Variants in TBC1D2B observed in about 807,000 individuals in gnomAD.
TBC1D2B encodes TBC1 domain family, member 2B.
In TBC1D2B, 64 loss-of-function variants were observed where a neutral mutation model predicts 100.8. The ratio of observed to expected loss-of-function variants is 0.64; its 90% confidence interval spans 0.52 to 0.78. TBC1D2B has a LOEUF of 0.78. Ranked by LOEUF, TBC1D2B falls within the 30% of genes least tolerant of loss-of-function variation. The probability of loss-of-function intolerance (pLI) is 0.00; values close to 1 mark genes in which losing one functional copy is unlikely to be tolerated. For missense variants in TBC1D2B, 1,052 were observed against 1,218.4 expected, an observed-to-expected ratio of 0.86 and a Z score of 2.03; for synonymous variants, 480 against 479.7, an observed-to-expected ratio of 1.00 and a Z score of -0.01.
Position 78,045,029 on chromosome 15 carries a change from G to C in TBC1D2B, c.554C>G (p.Ala185Gly), listed in dbSNP as rs1365062029. ...YPHPNASAEKARNVLAVETVP... is the reference protein window; with the variant it reads ...YPHPNASAEKGRNVLAVETVP... ...AGTCTCCACAGCTAGGACATTTCTGGCTTTTTCTGCAGAAGCATTTGGGTG... is the reference window on the plus strand; with the variant it reads ...AGTCTCCACAGCTAGGACATTTCTGCCTTTTTCTGCAGAAGCATTTGGGTG... The change falls in exon 3 of 13, where the codon GCC becomes GGC. Residue 185 changes from alanine (A) to glycine (G), a missense_variant. By Grantham distance (60) the Ala-to-Gly change is moderately conservative (BLOSUM62 0). Around this residue, in one of 4 missense-constraint regions of TBC1D2B, gnomAD observed 627 missense variants for 646.1 expected, o/e 0.97. Transcript: ENST00000300584. 1 of 1,612,000 alleles carries C rather than the reference G, an allele frequency of 6.2e-7. No individual in the cohort carries two copies. The highest frequency in any genetic ancestry group is 8.5e-7 in the Non-Finnish European group (1 of 1,178,866).
chr15:78,017,177 T>G, intron 7 of TBC1D2B: 1 of 158,496 alleles, frequency 6.3e-6, no homozygotes, highest in Non-Finnish European at 1.4e-5. Flanking sequence ...AAATATACCC[T>G]AGAAAACATG....
intron 3 of TBC1D2B, among the ~76,000 whole-genome samples, chr15:78,034,261 C>T (rs748990809): frequency 6.6e-6 from 1 of 152,170 alleles, no homozygotes; most frequent in Non-Finnish European, 1.5e-5. Flanking sequence ...AAAATAGCTG[C>T]TCAAAAAGAA....
At chr15:78,000,068 G>A (rs2141611388) in intron 12 of TBC1D2B, among the ~76,000 whole-genome samples, 1 of 152,354 alleles carries the variant, frequency 6.6e-6, no homozygotes, top group South Asian at 2.1e-4. Context: ...AAAACACTGA[G>A]GCTCTAGCCC....
At chr15:78,009,385 C>G (rs915561051) in intron 9 of TBC1D2B, among the ~76,000 whole-genome samples, 10 of 151,884 alleles carry the variant, frequency 6.6e-5, no homozygotes, top group African/African-American at 2.2e-4. Flanking sequence ...AACAAAAAAC[C>G]AAAAATCAGC....
At chr15:78,026,152 T>G (rs1466825400) in intron 4 of TBC1D2B, among the ~76,000 whole-genome samples, 1 of 67,414 alleles carries the variant, frequency 1.5e-5, no homozygotes, top group Non-Finnish European at 4.2e-5. Flanking sequence ...GTTTTTGTTG[T>G]TTTTTTTTTT....
At chr15:78,008,024 T>G (rs1244284298) in intron 10 of TBC1D2B, among the ~76,000 whole-genome samples, 1 of 152,136 alleles carries the variant, frequency 6.6e-6, no homozygotes, top group Non-Finnish European at 1.5e-5. Context: ...GGCACAGACC[T>G]GGAGAAGAGA....
At position 77,998,143 on chromosome 15, in the gene TBC1D2B, C is replaced by G. The variant is rs760388376; in HGVS notation, c.*17G>C. Reference sequence around the variant, plus strand: ...ACTTTGGTTGTGAAGGAAGGAAGAGCAGCATCCCGAGCCCACTCAGGTATC... The same window carrying G: ...ACTTTGGTTGTGAAGGAAGGAAGAGGAGCATCCCGAGCCCACTCAGGTATC... On this transcript the variant is annotated 3_prime_UTR_variant, in exon 13 of 13. Coordinates refer to ENST00000300584, the MANE Select transcript of TBC1D2B (RefSeq NM_144572.2). 129 of 1,494,034 alleles carry G rather than the reference C, an allele frequency of 8.6e-5. No individual in the cohort carries two copies. The African/African-American group carries it at 1.6e-3, about 19-fold the overall frequency. 92.5% of individuals were successfully genotyped at this position (1,494,034 alleles called of 1,614,324 possible).
At chr15:78,027,225 C>T (rs2141705032) in intron 4 of TBC1D2B, among the ~76,000 whole-genome samples, 1 of 152,128 alleles carries the variant, frequency 6.6e-6, no homozygotes, top group East Asian at 1.9e-4. Context: ...ACAGTGGTTC[C>T]CTGGGGCGGG....
intron 12 of TBC1D2B, chr15:77,999,498 A>G (rs1017172551): frequency 1.1e-5 from 3 of 276,066 alleles, no homozygotes; most frequent in Admixed American, 4.2e-5. Context: ...ACCAGAGAAC[A>G]GAGAACGCCC....
intron 1 of TBC1D2B, among the ~76,000 whole-genome samples, chr15:78,071,534 G>A (rs991247682): frequency 7.9e-5 from 12 of 152,162 alleles, no homozygotes; most frequent in African/African-American, 2.7e-4. Context: ...TATGAGACCC[G>A]AAAATATGGA....
chr15:78,077,440 C>G lies in TBC1D2B; in HGVS notation c.213G>C (p.Lys71Asn), dbSNP rs2073848478. ...DARRCYLYYF[K>N]SPQDALPLGH... ...CGAGGGGCAGCGCGTCCTGCGGACT[C>G]TTGAAATAGTAAAGGTAGCAGCGGC... is the stretch of plus-strand genomic sequence containing the variant. Residue 71 changes from lysine (K) to asparagine (N), a missense_variant, in exon 1 of 13, where the codon AAG becomes AAC. Transcript: ENST00000300584. 1.3e-5 allele frequency: 20 copies of G among 1,544,168 alleles called. No homozygotes were observed. The highest frequency in any genetic ancestry group is 2.5e-5 in the East Asian group (1 of 40,122).
intron 12 of TBC1D2B, among the ~76,000 whole-genome samples, chr15:77,999,592 G>C (rs547950232): frequency 6.6e-6 from 1 of 152,162 alleles, no homozygotes; most frequent in South Asian, 2.1e-4. Context: ...CCCAGCAGGC[G>C]GGAGGAGGCT....
Position 78,003,162 on chromosome 15 carries a change from T to A in TBC1D2B, c.2574+143A>T, listed in dbSNP as rs752824302. 2.6e-5 allele frequency: 17 copies of A among 654,744 alleles called. No homozygotes were observed. In the African/African-American group the frequency reaches 3.1e-4, roughly 12 times the overall value. The allele number at this position is 654,744 out of a possible 1,614,324, so 40.6% of individuals were successfully genotyped here. On this transcript the variant is annotated intron_variant, in intron 11 of 12. Transcript: ENST00000300584. ...GGTTTCCTGATACCCTGGACCCAGA[T>A]CTAGTGCAGGCCGTGCTGAGATCCC...
intron 10 of TBC1D2B, among the ~76,000 whole-genome samples, chr15:78,004,585 C>A (rs986557921): frequency 6.6e-6 from 1 of 152,240 alleles, no homozygotes; most frequent in Non-Finnish European, 1.5e-5. Flanking sequence ...CCGGTATGCA[C>A]GTGTACAAAA....
intron 11 of TBC1D2B, 22 bp downstream of exon 11, chr15:78,003,283 T>C (rs767900707): frequency 2.2e-5 from 36 of 1,608,424 alleles, no homozygotes; most frequent in Non-Finnish European, 3.0e-5. Context: ...TATCTGAAAA[T>C]AGCTGAGCTG....
At chr15:78,019,273 T>C (rs1210970928) in intron 6 of TBC1D2B, among the ~76,000 whole-genome samples, 1 of 152,244 alleles carries the variant, frequency 6.6e-6, no homozygotes, top group African/African-American at 2.4e-5. Flanking sequence ...GCATGTGAGA[T>C]TCCTAATCTT....
chr15:78,040,468 G>A (rs534891545), intron 3 of TBC1D2B, among the ~76,000 whole-genome samples: 101 of 151,874 alleles, frequency 6.7e-4, no homozygotes, highest in African/African-American at 2.2e-3. Context: ...AGGATCACTT[G>A]AGCCCAGAAG....
intron 6 of TBC1D2B, among the ~76,000 whole-genome samples, chr15:78,019,888 CAAAA>C (rs75813219): frequency 8.5e-6 from 1 of 117,584 alleles, no homozygotes; most frequent in African/African-American, 3.1e-5. Flanking sequence ...GACTCTGTAT[CAAAA>C]AAAAAAAAAG....
At chr15:78,057,890 T>G (rs73458933) in intron 1 of TBC1D2B, among the ~76,000 whole-genome samples, 1,786 of 152,326 alleles carry the variant, frequency 0.012, 38 homozygotes, top group African/African-American at 0.041. Context: ...GCCTCTGCGT[T>G]TTTTATCTGG....
Sources: allele counts gnomAD v4.1 joint callset (sites outside exome capture counted in the v4.1 genomes callset), GRCh38; gene constraint gnomAD v4.1.1; regional missense constraint gnomAD v4.1.1; transcripts MANE v1.5; gene names NCBI Gene and HGNC (gene_info 2026-07-23, HGNC 2026-07-21).